The following NLRC5 variants were observed in gnomAD, a reference collection of about 807,000 sequenced individuals.
NLRC5 encodes the protein NLR family CARD domain containing 5, also known as protein NLRC5.
NLRC5 carries 114 observed loss-of-function variants against 206.9 expected under a neutral mutation model. The observed-to-expected ratio is 0.55, with a 90% CI of 0.47 to 0.64. The LOEUF (loss-of-function observed/expected upper bound fraction) is 0.64, where lower values mean the gene tolerates loss of function less well. Among genes scored for constraint, NLRC5 ranks in the 30% least tolerant of loss-of-function variants. The pLI is 0.00. For synonymous variants in NLRC5, 952 were observed against 962.8 expected, an observed-to-expected ratio of 0.99 and a Z score of 0.21; for missense variants, 2,008 against 2,305.5, an observed-to-expected ratio of 0.87 and a Z score of 2.64.
At chr16:57,000,822 C>G (rs2058156732) in intron 1 of NLRC5, among the ~76,000 whole-genome samples, 1 of 152,164 alleles carries the variant, frequency 6.6e-6, no homozygotes, top group African/African-American at 2.4e-5. Context: ...TGGCCACTAA[C>G]CATTCCTGAA....
At chr16:57,045,330 T>C in intron 20 of NLRC5, 118 bp from the exon 21 acceptor site, 1 of 810,946 alleles carries the variant, frequency 1.2e-6, no homozygotes, top group Non-Finnish European at 2.1e-6. Context: ...TATTCCTTGT[T>C]TGCTAAGAAA....
At chr16:57,057,637 T>C (rs2065856363) in intron 27 of NLRC5, among the ~76,000 whole-genome samples, 1 of 152,128 alleles carries the variant, frequency 6.6e-6, no homozygotes, top group African/African-American at 2.4e-5. Context: ...TGAAGGCAAA[T>C]TGGTTTTTCT....
At chr16:57,034,433 C>T in intron 13 of NLRC5, 182 bp downstream of exon 13, 2 of 605,002 alleles carry the variant, frequency 3.3e-6, no homozygotes, top group Non-Finnish European at 5.9e-6. Context: ...AGGTGCTGTG[C>T]TAGGGACTGT....
intron 1 of NLRC5, chr16:57,014,069 A>G (rs1224987809): frequency 1.9e-5 from 5 of 268,440 alleles, no homozygotes; most frequent in African/African-American, 9.3e-5. Context: ...AAAAAGTTTG[A>G]TGACACCATT....
chr16:57,067,764 G>A lies in NLRC5; in HGVS notation c.4435G>A (p.Asp1479Asn), dbSNP rs750242516. 19 of 1,614,104 alleles carry A rather than the reference G, an allele frequency of 1.2e-5. No homozygotes were observed. Among genetic ancestry groups the A allele is most frequent in the Middle Eastern group, 1.6e-4 (1 of 6,084 alleles). Reference protein sequence around the residue: ...SLSQVNLCEDDDASSLLLQSL... With the variant: ...SLSQVNLCEDNDASSLLLQSL... ...GTCTCAGGTTAACCTCTGTGAGGAC[G>A]ATGATGCCAGTTCCCTGCTGCTGCA... Residue 1479 changes from aspartate (D) to asparagine (N), a missense_variant, in exon 36 of 49, where the codon GAT (aspartate) becomes AAT (asparagine). Physicochemically the swap from Asp to Asn is conservative, Grantham distance 23. Transcript: ENST00000688547.
chr16:57,009,864 T>C (rs1284267295), intron 1 of NLRC5, among the ~76,000 whole-genome samples: 2 of 152,184 alleles, frequency 1.3e-5, no homozygotes, highest in Non-Finnish European at 2.9e-5. Context: ...GGACCTGATG[T>C]CATGGGACCT....
rs1166515929 is a variant in NLRC5, at chr16:57,034,211, A to T, written c.2587A>T (p.Ile863Leu). 4 of 1,614,056 alleles carry T rather than the reference A, an allele frequency of 2.5e-6. No individual in the cohort carries two copies. In the Admixed American group the frequency reaches 6.7e-5, roughly 27 times the overall value. Residue 863 changes from isoleucine (I) to leucine (L), a missense_variant, in exon 13 of 49, where the codon ATA (isoleucine) becomes TTA (leucine). By Grantham distance (5) the Ile-to-Leu change is conservative (BLOSUM62 2). Transcript: ENST00000688547. ...QLQVHDAEAL[I>L]ALLQEGPHLE... ...CCAGGTCCACGATGCGGAGGCCCTC[A>T]TAGCCCTGCTCCAGGAAGGCCCTCA...
At chr16:56,991,898 A>G (rs1347501508) in intron 1 of NLRC5, 2 of 152,020 alleles carry the variant, frequency 1.3e-5, no homozygotes, top group Non-Finnish European at 2.9e-5. Context: ...TCCTAACGTG[A>G]CCTTATTTGG....
At chr16:56,999,228 T>G (rs2057979788) in intron 1 of NLRC5, among the ~76,000 whole-genome samples, 1 of 152,222 alleles carries the variant, frequency 6.6e-6, no homozygotes, top group Admixed American at 6.5e-5. Context: ...TATTAGGGGT[T>G]AGAGTTTCAA....
At chr16:57,043,857 A>T in intron 20 of NLRC5, 1 of 535,396 alleles carries the variant, frequency 1.9e-6, no homozygotes, top group Non-Finnish European at 3.3e-6. Flanking sequence ...ACTCTGCCTC[A>T]CTCGTTCTTT....
At chr16:57,058,541 A>C in intron 28 of NLRC5, 1 of 318,842 alleles carries the variant, frequency 3.1e-6, no homozygotes, top group Non-Finnish European at 5.9e-6. Context: ...AAATGTGGAG[A>C]TGTCCCTGTG....
rs575377732 is a variant in NLRC5, at chr16:57,031,645, G to T, written c.2477+182G>T. On this transcript the variant is annotated intron_variant, in intron 11 of 48. Transcript: ENST00000688547. ...GCAAAGGATTTTAACTTCCTCTAGC[G>T]TGTCCAGACCACATCTGGTCCCTGT... Among the ~76,000 whole-genome samples, 8 of 150,992 alleles carry T rather than the reference G, an allele frequency of 5.3e-5. No homozygotes were observed. In the South Asian group the frequency reaches 1.7e-3, roughly 32 times the overall value.
rs2063544377 is a variant in NLRC5 at position 57,043,506 on chromosome 16, G to T, written c.3114-9G>T. ...GTGACCTCCATTGTGCCACCCCTGT[G>T]ATCTCCAGCCTCAGTGAGAACGGTT... On this transcript the variant is annotated splice_polypyrimidine_tract_variant and intron_variant, in intron 19 of 48. Transcript: ENST00000688547. The T allele has an allele frequency of 1.2e-6, 2 of 1,613,198 alleles. No homozygotes were observed. Among genetic ancestry groups the T allele is most frequent in the Admixed American group, 1.7e-5 (1 of 59,998 alleles).
At chr16:57,067,197 G>C (rs1451796989) in intron 34 of NLRC5, among the ~76,000 whole-genome samples, 190 bp from the exon 35 acceptor site, 8 of 152,172 alleles carry the variant, frequency 5.3e-5, no homozygotes, top group South Asian at 2.1e-4. Context: ...TGAACAACCT[G>C]CACAACCATA....
At chr16:57,065,984 T>C (rs779549134) in intron 33 of NLRC5, among the ~76,000 whole-genome samples, 24 of 152,278 alleles carry the variant, frequency 1.6e-4, no homozygotes, top group Non-Finnish European at 2.6e-4. Flanking sequence ...GCAGTGAGCT[T>C]AGAGCGCAAA....
chr16:57,050,746 T>C (rs974935936), intron 23 of NLRC5, among the ~76,000 whole-genome samples: 7 of 152,228 alleles, frequency 4.6e-5, no homozygotes, highest in African/African-American at 1.7e-4. Flanking sequence ...CTGGTGTTAA[T>C]GGGCAACTAG....
At position 57,066,578 on chromosome 16, in the gene NLRC5, C is replaced by T; in HGVS notation, c.4286C>T (p.Pro1429Leu). 1 of 1,614,074 alleles carries T rather than the reference C, an allele frequency of 6.2e-7. No homozygotes were observed. Among genetic ancestry groups the T allele is most frequent in the Non-Finnish European group, 8.5e-7 (1 of 1,180,004 alleles). ...QQQLCVQLEF[P>L]RQEENPEAVA... The stretch of plus-strand genomic sequence containing the variant: ...CAGCTCTGTGTCCAGCTGGAATTTC[C>T]TCGCCAGGAAGAGAATCCAGAAGCT... Residue 1429 changes from proline (P) to leucine (L), a missense_variant, in exon 34 of 49, where the codon CCT becomes CTT. Physicochemically the swap from Pro to Leu is moderately conservative, Grantham distance 98 (BLOSUM62 -3). Coordinates refer to ENST00000688547, the MANE Select transcript of NLRC5 (RefSeq NM_001384950.1).
At chr16:57,030,830 C>T (rs1285018263) in intron 10 of NLRC5, among the ~76,000 whole-genome samples, 2 of 152,180 alleles carry the variant, frequency 1.3e-5, no homozygotes, top group African/African-American at 4.8e-5. Flanking sequence ...AAAATTCAGC[C>T]GGGCTCAGTG....
intron 28 of NLRC5, chr16:57,058,463 G>A (rs1251848945): frequency 7.3e-6 from 3 of 411,342 alleles, no homozygotes; most frequent in African/African-American, 6.1e-5. Context: ...AGCTGATGCG[G>A]GATTGCAGCT....
Sources: gnomAD v4.1 joint callset for allele counts (sites outside exome capture counted in the v4.1 genomes callset) on GRCh38, gnomAD v4.1.1 for gene constraint, MANE v1.5 for transcripts, NCBI Gene and HGNC (gene_info 2026-07-23, HGNC 2026-07-21) for gene names.